Variants in ZNF548 observed in about 807,000 individuals in gnomAD.
The protein encoded by ZNF548 is zinc finger protein 548.
Under a neutral mutation model 10.2 loss-of-function variants are expected in ZNF548, and 10 were observed. That is an observed-to-expected ratio of 0.98 (90% confidence interval 0.60 to 1.66). The LOEUF is 1.66. Among genes scored for constraint, ZNF548 ranks in the 40% most tolerant of loss-of-function variants. The probability of loss-of-function intolerance (pLI) is 0.00; values close to 1 mark genes in which losing one functional copy is unlikely to be tolerated. For missense variants in ZNF548, 599 were observed against 657.0 expected (o/e 0.91, Z 0.97); for synonymous variants, 217 against 223.5 (o/e 0.97, Z 0.26).
Position 57,399,137 on chromosome 19 carries a change from A to G in ZNF548, c.886A>G (p.Asn296Asp), listed in dbSNP as rs1339521489. The stretch of plus-strand genomic sequence containing the variant: ...CACTGGAGAAAGGCCTTATGAGTGC[A>G]ACACATGTGGGAAATTCTTTCGGTA... ...VHTGERPYEC[N>D]TCGKFFRYSS... The change falls in exon 4 of 4, where the codon AAC (asparagine) becomes GAC (aspartate). Residue 296 changes from asparagine to aspartate, a missense_variant. Coordinates refer to ENST00000336128, the MANE Select transcript of ZNF548 (RefSeq NM_001172773.2). The surrounding 1 kb of genome is among the most constrained non-coding windows in gnomAD (Gnocchi z 4.0). The G allele has an allele frequency of 1.9e-6, 3 of 1,614,190 alleles. No homozygotes were observed. The highest frequency in any genetic ancestry group is 1.6e-4 in the Middle Eastern group (1 of 6,062).
In ZNF548 at chr19:57,389,925, CTCTG is replaced by C. The variant is rs1428316533; in HGVS notation, c.-170_-167del. On this transcript the variant is annotated 5_prime_UTR_variant, in exon 1 of 4. An upstream open reading frame in the 5' UTR gains an earlier in-frame stop. Transcript: ENST00000336128. ...GTGTTTCACCAACTTCGGCCTATGGCTCTGTCTGACGTCACCGAAGTGACGGAAC... is the reference window on the plus strand; with the variant it reads ...GTGTTTCACCAACTTCGGCCTATGGCTCTGACGTCACCGAAGTGACGGAAC... The C allele has an allele frequency of 8.3e-6, 6 of 722,744 alleles. No homozygotes were observed. The highest frequency in any genetic ancestry group is 1.3e-5 in the Non-Finnish European group (6 of 460,276). 44.8% of individuals were successfully genotyped at this position (722,744 alleles called of 1,614,324 possible).
Position 57,398,549 on chromosome 19 carries a change from A to T in ZNF548, c.298A>T (p.Thr100Ser). 1 of 1,614,066 alleles carries T rather than the reference A, an allele frequency of 6.2e-7. No individual in the cohort carries two copies. Among genetic ancestry groups the T allele is most frequent in the East Asian group, 2.2e-5 (1 of 44,888 alleles). Residue 100 changes from threonine (T) to serine (S), a missense_variant, in exon 4 of 4, where the codon ACA (threonine) becomes TCA (serine). Physicochemically the swap from Thr to Ser is moderately conservative, Grantham distance 58. Coordinates refer to ENST00000336128, the MANE Select transcript of ZNF548 (RefSeq NM_001172773.2). ...CAGCCAGAAGGTCCACCCTAGTGAG[A>T]CATGTGGCCCACCCTTGAAAGACAT... is the stretch of plus-strand genomic sequence containing the variant. ...LSSQKVHPSETCGPPLKDILC... is the reference protein window; with the variant it reads ...LSSQKVHPSESCGPPLKDILC...
In ZNF548 at chr19:57,395,616, C is replaced by G. The variant is rs2088659319; in HGVS notation, c.51+1393C>G. ...CAAACACTTTTAAACAACCAGATCT[C>G]GTGAGAACTTACTATTATGAGAAAG... On this transcript the variant is annotated intron_variant, in intron 2 of 3. Coordinates refer to ENST00000336128, the MANE Select transcript of ZNF548 (RefSeq NM_001172773.2). The surrounding 1 kb of genome is among the most constrained non-coding windows in gnomAD (Gnocchi z 4.8). Among the ~76,000 whole-genome samples, 1 of 152,186 alleles carries G rather than the reference C, an allele frequency of 6.6e-6. No individual in the cohort carries two copies.
intron 1 of ZNF548, 63 bp from the exon 2 acceptor site, chr19:57,394,125 C>T: frequency 6.5e-7 from 1 of 1,548,676 alleles, no homozygotes; most frequent in East Asian, 2.3e-5. Flanking sequence ...AGGTGGTGGT[C>T]CATCTCAGCC....
intron 1 of ZNF548, among the ~76,000 whole-genome samples, chr19:57,392,421 T>G (rs187352048): frequency 6.6e-6 from 1 of 152,356 alleles, no homozygotes; most frequent in East Asian, 1.9e-4. Context: ...CGTTCAGGTC[T>G]TACATTTAAA....
intron 3 of ZNF548, among the ~76,000 whole-genome samples, chr19:57,397,616 G>A (rs544612682): frequency 6.6e-6 from 1 of 152,190 alleles, no homozygotes; most frequent in Non-Finnish European, 1.5e-5. Flanking sequence ...CTTCTGTGAA[G>A]TTCTTACGAT....
chr19:57,390,106 C>G lies in ZNF548; in HGVS notation c.7C>G (p.Leu3Val). MN[L>V]TEGPLAMAEM... ...GCTGGCGGAGGCCTTGCTGATGAAC[C>G]TGACTGAGGTGGGTGTCCCGTCCCA... The change falls in exon 1 of 4, where the codon CTG becomes GTG. Residue 3 changes from leucine to valine, a missense_variant. Coordinates refer to ENST00000336128, the MANE Select transcript of ZNF548 (RefSeq NM_001172773.2). 2 of 1,608,850 alleles carry G rather than the reference C, an allele frequency of 1.2e-6. No homozygotes were observed. The highest frequency in any genetic ancestry group is 8.5e-7 in the Non-Finnish European group (1 of 1,179,470).
At chr19:57,390,393 C>A (rs73634680) in intron 1 of ZNF548, 2 of 387,556 alleles carry the variant, frequency 5.2e-6, no homozygotes, top group African/African-American at 4.1e-5. Flanking sequence ...GAATGGCAAC[C>A]TGAGCAGCCA....
chr19:57,398,649 A>C lies in ZNF548; in HGVS notation c.398A>C (p.His133Pro), dbSNP rs1228015631. The change falls in exon 4 of 4, where the codon CAC becomes CCC. Residue 133 changes from histidine to proline, a missense_variant. Transcript: ENST00000336128. ...ATTTGTGAGGCAGAGCTTTTTCAGCACCCAAAGCAGCAAATTGGAGAAAAT... is the reference window on the plus strand; with the variant it reads ...ATTTGTGAGGCAGAGCTTTTTCAGCCCCCAAAGCAGCAAATTGGAGAAAAT... ...IYICEAELFQ[H>P]PKQQIGENLS... 6.2e-7 allele frequency: 1 copy of C among 1,613,924 alleles called. No individual in the cohort carries two copies. Among genetic ancestry groups the C allele is most frequent in the Non-Finnish European group, 8.5e-7 (1 of 1,179,908 alleles).
intron 2 of ZNF548, among the ~76,000 whole-genome samples, chr19:57,396,543 T>G (rs1169176048): frequency 6.6e-6 from 1 of 152,156 alleles, no homozygotes; most frequent in Admixed American, 6.5e-5. Context: ...TTTTACCTAT[T>G]GGGTTTTAAT....
chr19:57,397,207 T>TA lies in ZNF548; in HGVS notation c.178+33_178+34insA, dbSNP rs747409032. On this transcript the variant is annotated intron_variant, in intron 3 of 3. Transcript: ENST00000336128. ...CCTCACACTTGCCCAGTGTCCTGGG[T>TA]TAGGCTGTGTTACCCCTTTTTACCC... 5 of 1,541,586 alleles carry TA rather than the reference T, an allele frequency of 3.2e-6. No individual in the cohort carries two copies. The African/African-American group carries it at 6.9e-5, about 21-fold the overall frequency.
intron 1 of ZNF548, chr19:57,393,916 T>G: frequency 1.9e-6 from 1 of 526,744 alleles, no homozygotes; most frequent in Non-Finnish European, 3.3e-6. Flanking sequence ...GCCGCTGATA[T>G]ATATAGTACA....
intron 1 of ZNF548, chr19:57,392,714 CA>C (rs1254816742): frequency 1.1e-5 from 10 of 921,426 alleles, no homozygotes; most frequent in Non-Finnish European, 1.2e-5. Context: ...TATCCATTAC[CA>C]TGCTGTTTTG....
intron 2 of ZNF548, among the ~76,000 whole-genome samples, chr19:57,394,912 C>G (rs1157051763): frequency 6.6e-6 from 1 of 152,014 alleles, no homozygotes; most frequent in Admixed American, 6.6e-5. Flanking sequence ...CATAGATGCT[C>G]CATCAGCTAA....
At chr19:57,394,637 A>C (rs982781677) in intron 2 of ZNF548, among the ~76,000 whole-genome samples, 5 of 152,062 alleles carry the variant, frequency 3.3e-5, no homozygotes, top group African/African-American at 1.2e-4. Context: ...TTTGAAGCAA[A>C]ATAGGTAGTG....
chr19:57,394,270 G>C, intron 2 of ZNF548, 47 bp downstream of exon 2: 1 of 1,582,474 alleles, frequency 6.3e-7, no homozygotes, highest in Non-Finnish European at 8.6e-7. Context: ...TTATCTCCCA[G>C]ATGGTTTTGG....
intron 1 of ZNF548, among the ~76,000 whole-genome samples, chr19:57,391,786 A>C (rs1183054010): frequency 1.6e-5 from 2 of 123,804 alleles, no homozygotes; most frequent in African/African-American, 2.9e-5. Context: ...CCCTGTGCTT[A>C]CTGTTTTTTT....
intron 1 of ZNF548, among the ~76,000 whole-genome samples, chr19:57,393,676 AGAGGG>A (rs1251068920): frequency 3.6e-4 from 26 of 73,070 alleles, no homozygotes; most frequent in Non-Finnish European, 5.8e-4. Context: ...AGAGGAGAGG[AGAGGG>A]GAGGGGAGGG....
At chr19:57,391,824 C>T (rs113083300) in intron 1 of ZNF548, among the ~76,000 whole-genome samples, 3,171 of 112,932 alleles carry the variant, frequency 0.028, 48 homozygotes, top group African/African-American at 0.06. Flanking sequence ...AATGGAGTCT[C>T]GCTCCGTCGC....
Sources: allele counts gnomAD v4.1 joint callset (sites outside exome capture counted in the v4.1 genomes callset), GRCh38; gene constraint gnomAD v4.1.1; non-coding constraint Gnocchi (gnomAD v3.1); transcripts MANE v1.5; gene names NCBI Gene and HGNC (gene_info 2026-07-23, HGNC 2026-07-21).